The following AK7 variants were observed in gnomAD, a reference collection of about 807,000 sequenced individuals.
AK7 encodes the protein adenylate kinase 7.
A neutral mutation model predicts 96.6 loss-of-function variants in AK7; 78 were observed. The ratio of observed to expected loss-of-function variants is 0.81; its 90% CI spans 0.67 to 0.97. AK7 has a LOEUF of 0.97. Ranked by LOEUF, AK7 falls within the 50% of genes least tolerant of loss-of-function variation. The pLI, the probability that AK7 is intolerant of heterozygous loss-of-function variation, is 0.00. For missense variants in AK7, 855 were observed against 887.9 expected, an observed-to-expected ratio of 0.96 and a Z score of 0.47; for synonymous variants, 302 against 317.2, an observed-to-expected ratio of 0.95 and a Z score of 0.51.
chr14:96,415,575 A>G (rs1352650442), intron 4 of AK7, among the ~76,000 whole-genome samples: 1 of 151,910 alleles, frequency 6.6e-6, no homozygotes, highest in Admixed American at 6.6e-5. Flanking sequence ...CGACTTAGGA[A>G]CACTACTTAT....
At chr14:96,488,138 C>G (rs1486657357) in intron 17 of AK7, 167 bp from the exon 18 acceptor site, 5 of 526,456 alleles carry the variant, frequency 9.5e-6, no homozygotes, top group Non-Finnish European at 1.4e-5. Flanking sequence ...GTCTCGAACT[C>G]CTGACCTCAA....
intron 10 of AK7, among the ~76,000 whole-genome samples, chr14:96,455,082 G>A (rs558088348): frequency 6.6e-5 from 10 of 152,194 alleles, no homozygotes; most frequent in East Asian, 5.8e-4. Context: ...CAGGAGAATC[G>A]CTTGAACCCA....
rs1386346088 is a variant in AK7, at chr14:96,408,902, G to A, written c.459G>A (p.Ser153=). The A allele has an allele frequency of 3.7e-6, 6 of 1,614,070 alleles. No individual in the cohort carries two copies. The highest frequency in any genetic ancestry group is 2.2e-5 in the South Asian group (2 of 91,086). The change falls in exon 4 of 18, where the codon TCG becomes TCA. Residue 153 remains serine (S), a synonymous_variant. Coordinates refer to ENST00000267584, the MANE Select transcript of AK7 (RefSeq NM_152327.5). The stretch of plus-strand genomic sequence containing the variant: ...AGCGAAAGCTATTTATTTTACTGTC[G>A]ACGGTGATGACTTGGGCGCGCTCCA... ...FEKRKLFILL[S]TVMTWARSKA...
chr14:96,446,477 CT>C (rs753513944), intron 7 of AK7, 39 bp from the exon 8 acceptor site: 12 of 1,578,258 alleles, frequency 7.6e-6, no homozygotes, highest in Non-Finnish European at 9.6e-6. Flanking sequence ...ATCTCTTTCG[CT>C]TTTTCCCTTT....
intron 5 of AK7, among the ~76,000 whole-genome samples, chr14:96,429,770 T>C (rs977674985): frequency 2.0e-4 from 30 of 152,194 alleles, no homozygotes; most frequent in African/African-American, 7.2e-4. Context: ...GTTTGTCTGT[T>C]ATTGGTGTAT....
intron 5 of AK7, among the ~76,000 whole-genome samples, chr14:96,421,780 T>A (rs896878383): frequency 1.3e-4 from 20 of 152,090 alleles, no homozygotes; most frequent in African/African-American, 4.3e-4. Context: ...TAATTTTTTG[T>A]ATTTTTAGTA....
chr14:96,428,391 C>T (rs1234861874), intron 5 of AK7, among the ~76,000 whole-genome samples: 1 of 152,146 alleles, frequency 6.6e-6, no homozygotes, highest in Non-Finnish European at 1.5e-5. Flanking sequence ...GGTTCCGAGT[C>T]TTTGCTATTG....
At position 96,434,170 on chromosome 14, in the gene AK7, C is replaced by T. The variant is rs984245588; in HGVS notation, c.610-3665C>T. ...GTTAGGTATTTATTGTTGTCTTCAC[C>T]GTCTGGGCTTGTTTGTACCTGTCCC... is the stretch of plus-strand genomic sequence containing the variant. On this transcript the variant is annotated intron_variant, in intron 5 of 17. Coordinates refer to ENST00000267584, the MANE Select transcript of AK7 (RefSeq NM_152327.5). 2.0e-5 allele frequency among the ~76,000 whole-genome samples: 3 copies of T among 152,114 alleles called. No individual in the cohort carries two copies. The South Asian group carries it at 6.2e-4, about 31-fold the overall frequency.
chr14:96,461,406 G>A (rs896712454), intron 12 of AK7, among the ~76,000 whole-genome samples: 12 of 152,136 alleles, frequency 7.9e-5, no homozygotes, highest in African/African-American at 2.9e-4. Flanking sequence ...CACATTGAGG[G>A]GTGTGGGACT....
intron 2 of AK7, among the ~76,000 whole-genome samples, chr14:96,402,908 C>A (rs1298955373): frequency 2.6e-5 from 4 of 151,140 alleles, no homozygotes; most frequent in Non-Finnish European, 4.4e-5. Context: ...GCGGGCGGAT[C>A]ACCTGAGGTC....
chr14:96,453,579 C>T (rs1377699207), intron 10 of AK7, among the ~76,000 whole-genome samples: 3 of 152,182 alleles, frequency 2.0e-5, no homozygotes, highest in African/African-American at 7.2e-5. Flanking sequence ...ATGCATCAAG[C>T]CACCTTGACC....
intron 5 of AK7, 134 bp from the exon 6 acceptor site, chr14:96,437,701 C>A: frequency 4.6e-5 from 28 of 609,744 alleles, no homozygotes; most frequent in Middle Eastern, 4.2e-4. Flanking sequence ...GGATTTGTAT[C>A]CCGAACAATA....
intron 12 of AK7, among the ~76,000 whole-genome samples, chr14:96,465,789 A>G (rs1278427523): frequency 1.3e-5 from 2 of 152,100 alleles, no homozygotes; most frequent in African/African-American, 4.8e-5. Flanking sequence ...AGGCAGGCAG[A>G]TCATGAGGTG....
At chr14:96,465,328 T>G (rs1235092866) in intron 12 of AK7, among the ~76,000 whole-genome samples, 3 of 151,982 alleles carry the variant, frequency 2.0e-5, no homozygotes, top group African/African-American at 7.3e-5. Context: ...CCGGGCGTGG[T>G]GGCGGGTGCC....
At chr14:96,460,432 G>A (rs187844651) in intron 12 of AK7, among the ~76,000 whole-genome samples, 26 of 152,282 alleles carry the variant, frequency 1.7e-4, no homozygotes, top group Admixed American at 1.2e-3. Context: ...GGACAGGGGA[G>A]AAGGACAGAG....
chr14:96,469,673 A>G (rs1289682436), intron 12 of AK7, among the ~76,000 whole-genome samples: 1 of 152,234 alleles, frequency 6.6e-6, no homozygotes, highest in Non-Finnish European at 1.5e-5. Context: ...GAATTTCATT[A>G]TGTTAAATAA....
At chr14:96,485,869 C>T (rs374616963) in intron 16 of AK7, among the ~76,000 whole-genome samples, 28 of 150,146 alleles carry the variant, frequency 1.9e-4, no homozygotes, top group Non-Finnish European at 3.4e-4. Flanking sequence ...GATCTCGGCT[C>T]ACTGCAAGCT....
intron 11 of AK7, chr14:96,456,930 T>C: frequency 4.9e-6 from 1 of 203,342 alleles, no homozygotes; most frequent in Non-Finnish European, 1.0e-5. Flanking sequence ...GACGTGTGGA[T>C]CTTCTTTTCT....
At chr14:96,401,317 C>T (rs1245877355) in intron 2 of AK7, among the ~76,000 whole-genome samples, 1 of 152,152 alleles carries the variant, frequency 6.6e-6, no homozygotes, top group Non-Finnish European at 1.5e-5. Context: ...GCAAATGAAG[C>T]TTCAAATCCC....
Sources: allele counts gnomAD v4.1 joint callset (sites outside exome capture counted in the v4.1 genomes callset), GRCh38; gene constraint gnomAD v4.1.1; transcripts MANE v1.5; gene names NCBI Gene and HGNC (gene_info 2026-07-23, HGNC 2026-07-21).